The following SETBP1 variants were observed in gnomAD, a reference collection of about 807,000 sequenced individuals.
SETBP1 encodes SET-binding protein.
SETBP1 carries 9 observed loss-of-function variants against 101.0 expected under a neutral mutation model. The ratio of observed to expected loss-of-function variants is 0.09; its 90% CI spans 0.05 to 0.16. The LOEUF is 0.16. SETBP1 is among the 10% of genes least tolerant of loss of function. The pLI, the probability that SETBP1 is intolerant of heterozygous loss-of-function variation, is 1.00. For missense variants in SETBP1, 1,858 were observed against 2,033.8 expected (o/e 0.91, Z 1.66); for synonymous variants, 818 against 788.5 (o/e 1.04, Z -0.63).
rs146104692 is a variant in SETBP1 at position 44,837,305 on chromosome 18, G to A, written c.487-31925G>A. Among the ~76,000 whole-genome samples, 40 of 152,326 alleles carry A rather than the reference G, an allele frequency of 2.6e-4. 1 individual carries two copies. The highest frequency in any genetic ancestry group is 6.8e-3 in the Middle Eastern group (2 of 294). On this transcript the variant is annotated intron_variant, in intron 2 of 5. Coordinates refer to ENST00000649279, the MANE Select transcript of SETBP1 (RefSeq NM_015559.3). ...CAGTCAGGCTTCCTGGAGGAGGCTA[G>A]TCTTAGTCCCTGTATCAACACTCAA...
At chr18:45,043,028 T>C (rs2073540104) in intron 5 of SETBP1, among the ~76,000 whole-genome samples, 1 of 152,224 alleles carries the variant, frequency 6.6e-6, no homozygotes, top group Non-Finnish European at 1.5e-5. Flanking sequence ...AAGTGAGGCA[T>C]AATTTGAAAC....
Position 44,945,064 on chromosome 18 carries a change from T to C in SETBP1, c.541-4817T>C, listed in dbSNP as rs181096044. Among the ~76,000 whole-genome samples the C allele has an allele frequency of 1.2e-4, 19 of 152,308 alleles. No individual in the cohort carries two copies. In the East Asian group the frequency reaches 3.5e-3, roughly 28 times the overall value. The stretch of plus-strand genomic sequence containing the variant: ...GTGCACAACATGCAGGTTTGTTACA[T>C]ATGTATACATGTGCCATGTTGGTGT... On this transcript the variant is annotated intron_variant, in intron 3 of 5. Transcript: ENST00000649279.
intron 3 of SETBP1, among the ~76,000 whole-genome samples, chr18:44,941,556 TC>T (rs1368949850): frequency 6.6e-6 from 1 of 152,166 alleles, no homozygotes; most frequent in Non-Finnish European, 1.5e-5. Flanking sequence ...TATACACTAA[TC>T]TTTTGGTATT....
In SETBP1 at chr18:44,950,462, A is replaced by G. The variant is rs1033717851; in HGVS notation, c.1122A>G (p.Ala374=). 2 of 1,614,172 alleles carry G rather than the reference A, an allele frequency of 1.2e-6. No individual in the cohort carries two copies. The highest frequency in any genetic ancestry group is 1.7e-6 in the Non-Finnish European group (2 of 1,180,032). Reference sequence around the variant, plus strand: ...AAGGGAAAAGGGAAGGTTATTCCGCAGATAGTGCCCAAGAGGCATCACCAG... The same window carrying G: ...AAGGGAAAAGGGAAGGTTATTCCGCGGATAGTGCCCAAGAGGCATCACCAG... ...NTEGKREGYS[A]DSAQEASPAR... Residue 374 remains alanine, a synonymous_variant, in exon 4 of 6, where the codon GCA becomes GCG. Transcript: ENST00000649279.
At chr18:45,000,874 G>C (rs1003043569) in intron 4 of SETBP1, among the ~76,000 whole-genome samples, 1 of 150,560 alleles carries the variant, frequency 6.6e-6, no homozygotes, top group South Asian at 2.1e-4. Flanking sequence ...CATTTTTGTC[G>C]CCTTAAAAGC....
At chr18:44,721,803 G>A (rs1282624820) in intron 2 of SETBP1, among the ~76,000 whole-genome samples, 2 of 152,182 alleles carry the variant, frequency 1.3e-5, no homozygotes. Context: ...TCAGAAGGTG[G>A]GGGAAGAGGG....
At chr18:45,010,744 G>A (rs148107993) in intron 4 of SETBP1, among the ~76,000 whole-genome samples, 80 of 152,266 alleles carry the variant, frequency 5.3e-4, no homozygotes, top group Middle Eastern at 3.4e-3. Flanking sequence ...TTAATACTAT[G>A]CATTTATAAA....
intron 3 of SETBP1, among the ~76,000 whole-genome samples, chr18:44,925,016 T>G (rs764502374): frequency 0.089 from 12,408 of 139,630 alleles, 727 homozygotes; most frequent in South Asian, 0.14. Flanking sequence ...AGTTTTTTTT[T>G]TTTTTTTTTT....
intron 3 of SETBP1, among the ~76,000 whole-genome samples, chr18:44,906,415 A>G (rs1303931886): frequency 6.6e-6 from 1 of 152,186 alleles, no homozygotes; most frequent in Non-Finnish European, 1.5e-5. Flanking sequence ...TACAAGTGAG[A>G]ATCAAAGGGA....
chr18:44,738,339 C>G (rs1349314235), intron 2 of SETBP1, among the ~76,000 whole-genome samples: 2 of 152,152 alleles, frequency 1.3e-5, no homozygotes, highest in Non-Finnish European at 2.9e-5. Flanking sequence ...TGCTGGTGAT[C>G]TTTATTAACA....
chr18:45,052,277 T>C (rs2073735315), intron 5 of SETBP1, among the ~76,000 whole-genome samples: 1 of 152,162 alleles, frequency 6.6e-6, no homozygotes, highest in African/African-American at 2.4e-5. Flanking sequence ...ACAGGCAACA[T>C]AGAGAGGAGC....
intron 2 of SETBP1, among the ~76,000 whole-genome samples, chr18:44,868,749 A>C (rs559368514): frequency 3.6e-5 from 3 of 83,886 alleles, no homozygotes; most frequent in African/African-American, 7.7e-5. Flanking sequence ...GAAGGAAGGA[A>C]GGAAGGAAGG....
chr18:44,824,678 A>G (rs1018450617), intron 2 of SETBP1, among the ~76,000 whole-genome samples: 1 of 152,194 alleles, frequency 6.6e-6, no homozygotes, highest in Non-Finnish European at 1.5e-5. Flanking sequence ...ACAAGTTACA[A>G]CCTTTTGGCT....
At chr18:44,999,196 A>G (rs1256029995) in intron 4 of SETBP1, among the ~76,000 whole-genome samples, 3 of 152,160 alleles carry the variant, frequency 2.0e-5, no homozygotes, top group Non-Finnish European at 4.4e-5. Flanking sequence ...CCTTAGGGGT[A>G]ATAGTCTGGT....
At chr18:44,894,479 A>G (rs2069846421) in intron 3 of SETBP1, among the ~76,000 whole-genome samples, 1 of 152,014 alleles carries the variant, frequency 6.6e-6, no homozygotes, top group African/African-American at 2.4e-5. Flanking sequence ...CATGAAGTTT[A>G]ATTTGAATGT....
intron 4 of SETBP1, among the ~76,000 whole-genome samples, chr18:44,982,678 T>G (rs1182726254): frequency 6.6e-6 from 1 of 152,238 alleles, no homozygotes; most frequent in Non-Finnish European, 1.5e-5. Context: ...GAATATATGA[T>G]GCTTCCTCTT....
At chr18:44,729,018 C>G (rs968157493) in intron 2 of SETBP1, among the ~76,000 whole-genome samples, 6 of 152,246 alleles carry the variant, frequency 3.9e-5, no homozygotes, top group Admixed American at 1.3e-4. Context: ...TCCATAAAAC[C>G]CTAGGCAGTA....
At chr18:44,994,197 T>C (rs1278363437) in intron 4 of SETBP1, among the ~76,000 whole-genome samples, 2 of 151,934 alleles carry the variant, frequency 1.3e-5, no homozygotes, top group Non-Finnish European at 2.9e-5. Context: ...GTAAAAAAAA[T>C]GAAAAGGTAT....
chr18:44,954,297 G>A (rs1448898213), intron 4 of SETBP1, among the ~76,000 whole-genome samples: 2 of 119,246 alleles, frequency 1.7e-5, no homozygotes, highest in Non-Finnish European at 3.3e-5. Context: ...TAGGAAAATA[G>A]TAGAAACTTC....
Sources: allele counts gnomAD v4.1 joint callset (sites outside exome capture counted in the v4.1 genomes callset), GRCh38; gene constraint gnomAD v4.1.1; transcripts MANE v1.5; gene names NCBI Gene and HGNC (gene_info 2026-07-23, HGNC 2026-07-21).